Variants in CHCHD3 observed in about 807,000 individuals in gnomAD.
CHCHD3 encodes MICOS complex subunit MIC19.
In CHCHD3, 20 loss-of-function variants were observed where a neutral mutation model predicts 38.2. That is an observed-to-expected ratio of 0.52 (90% confidence interval 0.37 to 0.76). CHCHD3 has a LOEUF of 0.76. CHCHD3 is among the 30% of genes least tolerant of loss of function. The probability of loss-of-function intolerance (pLI) is 0.00; values close to 1 mark genes in which losing one functional copy is unlikely to be tolerated. For missense variants in CHCHD3, 245 were observed against 279.2 expected (o/e 0.88, Z 0.87); for synonymous variants, 82 against 100.0 (o/e 0.82, Z 1.07).
intron 2 of CHCHD3, among the ~76,000 whole-genome samples, chr7:133,024,956 C>T (rs1390931546): frequency 3.3e-5 from 5 of 152,036 alleles, no homozygotes; most frequent in South Asian, 2.1e-4. Flanking sequence ...AGTCTGACAA[C>T]GGTGTGTAAG....
At chr7:132,876,366 T>G (rs550585658) in intron 5 of CHCHD3, among the ~76,000 whole-genome samples, 2 of 152,274 alleles carry the variant, frequency 1.3e-5, no homozygotes, top group East Asian at 3.9e-4. Flanking sequence ...GTTTTTCAAA[T>G]AAAACAGCCT....
intron 5 of CHCHD3, chr7:132,849,580 G>A (rs1176379963): frequency 6.6e-6 from 1 of 152,146 alleles, no homozygotes; most frequent in Admixed American, 6.6e-5. Context: ...ATGGAAACAA[G>A]ACTCTCACTG....
At chr7:132,902,961 C>T (rs1809707392) in intron 4 of CHCHD3, among the ~76,000 whole-genome samples, 2 of 152,170 alleles carry the variant, frequency 1.3e-5, no homozygotes, top group Non-Finnish European at 2.9e-5. Context: ...CAGAGTTTTG[C>T]TGTCAAGGTA....
chr7:132,895,195 C>T lies in CHCHD3; in HGVS notation c.370-9450G>A, dbSNP rs1809462877. Among the ~76,000 whole-genome samples, 6 of 152,336 alleles carry T rather than the reference C, an allele frequency of 3.9e-5. No homozygotes were observed. The South Asian group carries it at 1.2e-3, about 32-fold the overall frequency. Reference sequence around the variant, plus strand: ...TAAAGAAATCCAATGAGGCCTCTAGCTTTTACTGTAGGAGTGGTACCTCAG... The same window carrying T: ...TAAAGAAATCCAATGAGGCCTCTAGTTTTTACTGTAGGAGTGGTACCTCAG... On this transcript the variant is annotated intron_variant, in intron 4 of 7. Coordinates refer to ENST00000262570, the MANE Select transcript of CHCHD3 (RefSeq NM_017812.4).
At chr7:133,036,920 T>A (rs184073451) in intron 2 of CHCHD3, among the ~76,000 whole-genome samples, 126 of 152,330 alleles carry the variant, frequency 8.3e-4, no homozygotes, top group Non-Finnish European at 1.4e-3. Context: ...TTGGTTTTTT[T>A]AACCTACAGA....
At chr7:132,997,363 C>T (rs1812447133) in intron 3 of CHCHD3, among the ~76,000 whole-genome samples, 1 of 152,038 alleles carries the variant, frequency 6.6e-6, no homozygotes, top group South Asian at 2.1e-4. Flanking sequence ...AGTTCTAATC[C>T]ATTGTGTCAA....
chr7:132,848,429 G>A (rs1305438528), intron 5 of CHCHD3, among the ~76,000 whole-genome samples: 1 of 152,158 alleles, frequency 6.6e-6, no homozygotes, highest in African/African-American at 2.4e-5. Context: ...TAATTGCTGC[G>A]CAGATACAAT....
rs117938733 is a variant in CHCHD3 at position 132,846,093 on chromosome 7, T to C, written c.454-7624A>G. Among the ~76,000 whole-genome samples the C allele has an allele frequency of 7.2e-5, 11 of 152,352 alleles. No individual in the cohort carries two copies. The East Asian group carries it at 1.4e-3, about 19-fold the overall frequency. ...GGCCACCATGCTTTACTCTTTTCTA[T>C]ATCCGTGACCCCAGCAACATGACTT... On this transcript the variant is annotated intron_variant, in intron 5 of 7. Transcript: ENST00000262570.
At chr7:132,934,261 T>A (rs1810583878) in intron 4 of CHCHD3, among the ~76,000 whole-genome samples, 1 of 152,194 alleles carries the variant, frequency 6.6e-6, no homozygotes, top group Non-Finnish European at 1.5e-5. Flanking sequence ...ATGCTACTGC[T>A]CTACACACCG....
chr7:133,008,807 C>CCCAAAGGATTCTTT (rs1394722598), intron 3 of CHCHD3, among the ~76,000 whole-genome samples: 1 of 152,036 alleles, frequency 6.6e-6, no homozygotes, highest in African/African-American at 2.4e-5. Flanking sequence ...TGTGCAGCTT[C>CCCAAAGGATTCTTT]CCAAAGGATT....
At chr7:132,800,451 C>A (rs1806761673) in intron 6 of CHCHD3, among the ~76,000 whole-genome samples, 1 of 152,204 alleles carries the variant, frequency 6.6e-6, no homozygotes, top group Non-Finnish European at 1.5e-5. Flanking sequence ...AGTCTTAGAA[C>A]CTTCTTTGAT....
In CHCHD3 at chr7:133,053,266, C is replaced by T. The variant is rs1814221600; in HGVS notation, c.169+16876G>A. Among the ~76,000 whole-genome samples the T allele has an allele frequency of 1.3e-5, 2 of 152,220 alleles. 1 individual carries two copies. The highest frequency in any genetic ancestry group is 4.1e-4 in the South Asian group (2 of 4,836). On this transcript the variant is annotated intron_variant, in intron 2 of 7. Coordinates refer to ENST00000262570, the MANE Select transcript of CHCHD3 (RefSeq NM_017812.4). ...TCTATCAATATTCGTGCTCCTTTCA[C>T]CTAACCACAGTGCTGGCTGGCCATT...
intron 6 of CHCHD3, among the ~76,000 whole-genome samples, chr7:132,837,915 C>G (rs887742720): frequency 6.6e-6 from 1 of 152,130 alleles, no homozygotes; most frequent in Non-Finnish European, 1.5e-5. Flanking sequence ...TTAACATCAC[C>G]TTCATAATCA....
chr7:132,806,843 A>C (rs532004995), intron 6 of CHCHD3, among the ~76,000 whole-genome samples: 131 of 152,312 alleles, frequency 8.6e-4, no homozygotes, highest in Non-Finnish European at 1.4e-3. Flanking sequence ...ATGTCAGGGA[A>C]GGTAGTGTGA....
intron 5 of CHCHD3, among the ~76,000 whole-genome samples, chr7:132,858,763 T>A (rs960641054): frequency 6.6e-6 from 1 of 152,212 alleles, no homozygotes; most frequent in Non-Finnish European, 1.5e-5. Flanking sequence ...CTAATAATAA[T>A]ATCTTTACAA....
intron 4 of CHCHD3, among the ~76,000 whole-genome samples, chr7:132,928,134 G>A (rs904839587): frequency 8.5e-5 from 13 of 152,108 alleles, no homozygotes; most frequent in Non-Finnish European, 1.3e-4. Flanking sequence ...TTCCTAGTCA[G>A]AATGAGGAAG....
At chr7:133,056,598 T>C (rs920795009) in intron 2 of CHCHD3, among the ~76,000 whole-genome samples, 1 of 152,144 alleles carries the variant, frequency 6.6e-6, no homozygotes, top group Non-Finnish European at 1.5e-5. Context: ...AAATAAATGT[T>C]TGTTGGAACA....
At chr7:132,871,172 T>G (rs1012130464) in intron 5 of CHCHD3, among the ~76,000 whole-genome samples, 11 of 152,210 alleles carry the variant, frequency 7.2e-5, no homozygotes, top group African/African-American at 2.4e-4. Context: ...AACTGATATT[T>G]CCATAAATTT....
chr7:133,020,962 G>T (rs921001812), intron 3 of CHCHD3, among the ~76,000 whole-genome samples: 2 of 148,940 alleles, frequency 1.3e-5, no homozygotes, highest in African/African-American at 2.5e-5. Flanking sequence ...ACGGATAAGA[G>T]GGGGGCCGGC....
Sources: allele counts gnomAD v4.1 joint callset (sites outside exome capture counted in the v4.1 genomes callset), GRCh38; gene constraint gnomAD v4.1.1; transcripts MANE v1.5; gene names NCBI Gene and HGNC (gene_info 2026-07-23, HGNC 2026-07-21).